The following NAMPT variants were observed in gnomAD, a reference collection of about 807,000 sequenced individuals.
NAMPT encodes the protein NAmPRTase.
In NAMPT, 7 loss-of-function variants were observed where a neutral mutation model predicts 58.7. The ratio of observed to expected loss-of-function variants is 0.12; its 90% CI spans 0.07 to 0.22. The LOEUF is 0.22. Ranked by LOEUF, NAMPT falls within the 10% of genes least tolerant of loss-of-function variation. The pLI, the probability that NAMPT is intolerant of heterozygous loss-of-function variation, is 1.00. For synonymous variants in NAMPT, 145 were observed against 198.1 expected (o/e 0.73, Z 2.25); for missense variants, 271 against 567.9 (o/e 0.48, Z 5.31).
intron 6 of NAMPT, among the ~76,000 whole-genome samples, chr7:106,267,476 A>T (rs1214522497): frequency 1.3e-5 from 2 of 152,180 alleles, no homozygotes; most frequent in African/African-American, 4.8e-5. Context: ...AGCAGAACTT[A>T]AATATTCCCT....
At chr7:106,273,885 A>AGTT (rs966670078) in intron 3 of NAMPT, among the ~76,000 whole-genome samples, 74 of 152,158 alleles carry the variant, frequency 4.9e-4, no homozygotes, top group African/African-American at 1.6e-3. Flanking sequence ...TAGGCATGAA[A>AGTT]GTTAAAGTAT....
chr7:106,262,615 C>T (rs1438135496), intron 7 of NAMPT, among the ~76,000 whole-genome samples: 1 of 152,070 alleles, frequency 6.6e-6, no homozygotes, highest in African/African-American at 2.4e-5. Context: ...ATCATCTGCT[C>T]ATTAACTGAC....
At position 106,248,665 on chromosome 7, in the gene NAMPT, T is replaced by C. The variant is rs1314152637; in HGVS notation, c.*2418A>G. On this transcript the variant is annotated 3_prime_UTR_variant, in exon 11 of 11. Transcript: ENST00000222553. ...TCCTATTTAAGATATAAATACTTGA[T>C]GATATAATCAATCAAGAGGGATTAA... The C allele has an allele frequency of 6.6e-6, 1 of 152,120 alleles. No individual in the cohort carries two copies. Among genetic ancestry groups the C allele is most frequent in the Non-Finnish European group, 1.5e-5 (1 of 67,984 alleles). 9.4% of individuals were successfully genotyped at this position (152,120 alleles called of 1,614,324 possible). A position where few individuals can be genotyped will look rare whatever the true frequency, so the allele number is the denominator to read the frequency against.
chr7:106,277,106 G>C lies in NAMPT; in HGVS notation c.131C>G (p.Thr44Arg), dbSNP rs1230457907. ...CACCTTCCTTAATTTGGAGTTTTCT[G>C]TCTTCTTTTCACGGCATTCAAAGTA... ...YSYFECREKK[T>R]ENSKLRKVKY... The change falls in exon 2 of 11, where the codon ACA becomes AGA. Residue 44 changes from threonine (T) to arginine (R), a missense_variant. By Grantham distance (71) the Thr-to-Arg change is moderately conservative. Transcript: ENST00000222553. 3.5e-5 allele frequency: 56 copies of C among 1,609,184 alleles called. No homozygotes were observed. The East Asian group carries it at 1.2e-3, about 35-fold the overall frequency.
At chr7:106,282,731 C>T (rs1458108189) in intron 1 of NAMPT, among the ~76,000 whole-genome samples, 1 of 152,216 alleles carries the variant, frequency 6.6e-6, no homozygotes. Flanking sequence ...TTTCGTAGTG[C>T]TTAGGCAATC....
intron 4 of NAMPT, chr7:106,270,265 C>T: frequency 2.4e-6 from 1 of 408,274 alleles, no homozygotes; most frequent in Non-Finnish European, 5.2e-6. Context: ...TTTTATAAAC[C>T]AGATTGTTAT....
rs61747509 is a variant in NAMPT, at chr7:106,263,503, C to G, written c.858G>C (p.Ala286=). ...GATCTTCACCCCATATTTTCTCACACGCATTATAAATGTCATAGCTATCGC... is the reference window on the plus strand; with the variant it reads ...GATCTTCACCCCATATTTTCTCACAGGCATTATAAATGTCATAGCTATCGC... The part of the protein sequence containing the change: ...VVSDSYDIYN[A]CEKIWGEDLR... The change falls in exon 7 of 11, where the codon GCG becomes GCC. Residue 286 remains alanine (A), a synonymous_variant. Coordinates refer to ENST00000222553, the MANE Select transcript of NAMPT (RefSeq NM_005746.3). The G allele has an allele frequency of 7.5e-6, 12 of 1,608,846 alleles. No individual in the cohort carries two copies. Among genetic ancestry groups the G allele is most frequent in the South Asian group, 1.1e-5 (1 of 90,966 alleles).
At chr7:106,281,059 A>G (rs184397012) in intron 1 of NAMPT, among the ~76,000 whole-genome samples, 1 of 150,510 alleles carries the variant, frequency 6.6e-6, no homozygotes, top group East Asian at 1.9e-4. Flanking sequence ...TACATACTAG[A>G]TAACAGTAAC....
chr7:106,282,782 T>C (rs1226519835), intron 1 of NAMPT, among the ~76,000 whole-genome samples: 2 of 152,200 alleles, frequency 1.3e-5, no homozygotes, highest in Admixed American at 1.3e-4. Flanking sequence ...AAATCAACAA[T>C]ATTTTGCTCT....
At chr7:106,283,541 A>G (rs1012159122) in intron 1 of NAMPT, among the ~76,000 whole-genome samples, 2 of 152,210 alleles carry the variant, frequency 1.3e-5, no homozygotes, top group East Asian at 3.8e-4. Context: ...AATTTTGAAA[A>G]CACTATGATT....
intron 6 of NAMPT, among the ~76,000 whole-genome samples, chr7:106,265,953 CTTATT>C (rs1257377710): frequency 2.0e-4 from 31 of 152,256 alleles, no homozygotes; most frequent in African/African-American, 6.7e-4. Flanking sequence ...ATAGAGTTCT[CTTATT>C]TTAAAGTTAT....
rs372287403 is a variant in NAMPT, at chr7:106,277,087, C to T, written c.150G>A (p.Arg50=). 7.5e-6 allele frequency: 12 copies of T among 1,606,288 alleles called. No individual in the cohort carries two copies. In the Admixed American group the frequency reaches 1.8e-4, roughly 25 times the overall value. The stretch of plus-strand genomic sequence containing the variant: ...ATACTGTTTCCTCATATTTCACCTT[C>T]CTTAATTTGGAGTTTTCTGTCTTCT... ...REKKTENSKL[R]KVKYEETVFY... is the part of the protein sequence containing the mutation. Residue 50 remains arginine, a synonymous_variant, in exon 2 of 11, where the codon AGG becomes AGA. Transcript: ENST00000222553.
intron 1 of NAMPT, among the ~76,000 whole-genome samples, chr7:106,280,979 G>A (rs1353974168): frequency 1.3e-5 from 2 of 150,842 alleles, no homozygotes; most frequent in Non-Finnish European, 3.0e-5. Context: ...GAAAAATGTA[G>A]TTCTTTTAAC....
At chr7:106,257,569 T>G (rs1488789728) in intron 8 of NAMPT, among the ~76,000 whole-genome samples, 1 of 150,818 alleles carries the variant, frequency 6.6e-6, no homozygotes, top group Non-Finnish European at 1.5e-5. Flanking sequence ...AGGTTGAGGC[T>G]GCAGTGAGCT....
At chr7:106,268,201 A>G (rs1464993232) in intron 6 of NAMPT, 5 of 271,462 alleles carry the variant, frequency 1.8e-5, no homozygotes, top group Non-Finnish European at 3.5e-5. Context: ...CAGTAATTGA[A>G]AAAAAATTCC....
intron 6 of NAMPT, among the ~76,000 whole-genome samples, chr7:106,267,095 G>A (rs367895700): frequency 6.6e-6 from 1 of 152,284 alleles, no homozygotes; most frequent in East Asian, 1.9e-4. Flanking sequence ...ATGAATAAGT[G>A]CCCAATGTTG....
At chr7:106,267,727 G>C (rs1792442197) in intron 6 of NAMPT, among the ~76,000 whole-genome samples, 1 of 148,222 alleles carries the variant, frequency 6.7e-6, no homozygotes, top group East Asian at 2.0e-4. Flanking sequence ...TGTAGTCCCA[G>C]CTACTTGGGA....
Position 106,268,547 on chromosome 7 carries a change from T to C in NAMPT, c.660A>G (p.Thr220=). The C allele has an allele frequency of 6.2e-7, 1 of 1,611,918 alleles. No individual in the cohort carries two copies. The highest frequency in any genetic ancestry group is 8.5e-7 in the Non-Finnish European group (1 of 1,177,982). ...AHLVNFKGTD[T]VAGLALIKKY... Reference sequence around the variant, plus strand: ...TTTTAATTAGAGCAAGTCCTGCTACTGTATCTGTTCCTTTGAAGTTAACCA... The same window carrying C: ...TTTTAATTAGAGCAAGTCCTGCTACCGTATCTGTTCCTTTGAAGTTAACCA... The change falls in exon 6 of 11, where the codon ACA becomes ACG. Residue 220 remains threonine (T), a synonymous_variant. Transcript: ENST00000222553.
chr7:106,254,299 T>C, intron 9 of NAMPT, 65 bp downstream of exon 9: 1 of 1,571,544 alleles, frequency 6.4e-7, no homozygotes, highest in South Asian at 1.1e-5. Flanking sequence ...ATGCACTCAA[T>C]AACCACATTC....
Sources: gnomAD v4.1 joint callset for allele counts (sites outside exome capture counted in the v4.1 genomes callset) on GRCh38, gnomAD v4.1.1 for gene constraint, MANE v1.5 for transcripts, NCBI Gene and HGNC (gene_info 2026-07-23, HGNC 2026-07-21) for gene names.